ZNF160: variants seen among roughly 807,000 people sequenced by gnomAD.
The protein encoded by ZNF160 is zinc finger protein 160, also known as KRAB zinc finger protein KR18.
A neutral mutation model predicts 13.1 loss-of-function variants in ZNF160; 9 were observed. The observed-to-expected ratio is 0.69, with a 90% confidence interval of 0.41 to 1.20. The LOEUF (loss-of-function observed/expected upper bound fraction) is 1.20. ZNF160 is among the 50% of genes most tolerant of loss of function. The probability of loss-of-function intolerance (pLI) is 0.01; values close to 1 mark genes in which losing one functional copy is unlikely to be tolerated. For missense variants in ZNF160, 838 were observed against 988.0 expected, an observed-to-expected ratio of 0.85 and a Z score of 2.04; for synonymous variants, 293 against 333.2, an observed-to-expected ratio of 0.88 and a Z score of 1.31.
In ZNF160 at chr19:53,069,158, C is replaced by A; in HGVS notation, c.1376G>T (p.Gly459Val). The A allele has an allele frequency of 6.2e-7, 1 of 1,614,142 alleles. No individual in the cohort carries two copies. The highest frequency in any genetic ancestry group is 8.5e-7 in the Non-Finnish European group (1 of 1,179,998). The part of the protein sequence containing the change: ...GEKPYKCNEC[G>V]KAFSMHSNLA... ...GTTTGAATGCATACTGAAGGCTTTGCCACATTCATTACACTTGTAAGGTTT... is the reference window on the plus strand; with the variant it reads ...GTTTGAATGCATACTGAAGGCTTTGACACATTCATTACACTTGTAAGGTTT... The change falls in exon 6 of 6, where the codon GGC becomes GTC. Residue 459 changes from glycine (G) to valine (V), a missense_variant. Coordinates refer to ENST00000683776, the MANE Select transcript of ZNF160 (RefSeq NM_001322131.2). The surrounding 1 kb of genome is among the most constrained non-coding windows in gnomAD (Gnocchi z 4.4).
In ZNF160 at chr19:53,067,827, C is replaced by T. The variant is rs2145415403; in HGVS notation, c.*250G>A. The T allele has an allele frequency of 2.3e-6, 1 of 430,028 alleles. No individual in the cohort carries two copies. Among genetic ancestry groups the T allele is most frequent in the Non-Finnish European group, 4.1e-6 (1 of 245,326 alleles). The allele number at this position is 430,028 out of a possible 1,614,324, so 26.6% of individuals were successfully genotyped here. The stretch of plus-strand genomic sequence containing the variant: ...CTTACCATCGGTCACTGGGTAATGG[C>T]CTCAGGATGCATATTACATTTGTTT... On this transcript the variant is annotated 3_prime_UTR_variant, in exon 6 of 6. Coordinates refer to ENST00000683776, the MANE Select transcript of ZNF160 (RefSeq NM_001322131.2).
At chr19:53,094,608 T>TA (rs1319291885) in intron 1 of ZNF160, among the ~76,000 whole-genome samples, 4 of 152,180 alleles carry the variant, frequency 2.6e-5, no homozygotes, top group African/African-American at 9.7e-5. Context: ...GTTTTCAATG[T>TA]AAGAGTAAAA....
In ZNF160 at chr19:53,067,930, T is replaced by G. The variant is rs2084016026; in HGVS notation, c.*147A>C. The G allele has an allele frequency of 8.9e-7, 1 of 1,125,508 alleles. No individual in the cohort carries two copies. The highest frequency in any genetic ancestry group is 1.7e-5 in the South Asian group (1 of 58,660). The allele number at this position is 1,125,508 out of a possible 1,614,324, so 69.7% of individuals were successfully genotyped here. Reference sequence around the variant, plus strand: ...AGACCCTCTGCCACATATGTTTACATGATGTCTCTTGCTTATGGCCTCTCA... The same window carrying G: ...AGACCCTCTGCCACATATGTTTACAGGATGTCTCTTGCTTATGGCCTCTCA... On this transcript the variant is annotated 3_prime_UTR_variant, in exon 6 of 6. Coordinates refer to ENST00000683776, the MANE Select transcript of ZNF160 (RefSeq NM_001322131.2).
intron 3 of ZNF160, chr19:53,085,521 G>A (rs1490144957): frequency 1.3e-5 from 2 of 152,484 alleles, no homozygotes; most frequent in Non-Finnish European, 2.9e-5. Flanking sequence ...CTCATAACTG[G>A]TAAAACAAAA....
chr19:53,094,467 C>G (rs1295909787), intron 1 of ZNF160, among the ~76,000 whole-genome samples: 2 of 152,176 alleles, frequency 1.3e-5, no homozygotes, highest in Admixed American at 6.5e-5. Flanking sequence ...GATGAAACCA[C>G]TGCCCCACAG....
At chr19:53,076,395 T>C (rs1395181588) in intron 3 of ZNF160, among the ~76,000 whole-genome samples, 1 of 152,092 alleles carries the variant, frequency 6.6e-6, no homozygotes, top group African/African-American at 2.4e-5. Context: ...AATCCAGCAC[T>C]TTGAAAGGCC....
At chr19:53,080,733 A>G (rs1484995353) in intron 3 of ZNF160, among the ~76,000 whole-genome samples, 1 of 152,228 alleles carries the variant, frequency 6.6e-6, no homozygotes, top group Non-Finnish European at 1.5e-5. Context: ...TAAAATGTAT[A>G]TGAAAGCAAA....
chr19:53,069,776 C>G lies in ZNF160; in HGVS notation c.758G>C (p.Cys253Ser). 2.5e-6 allele frequency: 4 copies of G among 1,614,214 alleles called. No individual in the cohort carries two copies. Among genetic ancestry groups the G allele is most frequent in the Non-Finnish European group, 3.4e-6 (4 of 1,180,048 alleles). ...TTCATTACATTTATAAGGTTTTCCA[C>G]AACTGTTTGCTTTTCGTCTTTGTGT... ...LLTQRRKANS[C>S]GKPYKCNECG... is the part of the protein sequence containing the mutation. The change falls in exon 6 of 6, where the codon TGT (cysteine) becomes TCT (serine). Residue 253 changes from cysteine (C) to serine (S), a missense_variant. Cys to Ser is a moderately radical substitution (Grantham distance 112). This residue lies in a region of ZNF160 where 387 missense variants were observed against 402.3 expected (regional missense o/e 0.96). Transcript: ENST00000683776. This position sits in a 1 kb window ranked among gnomAD's most constrained non-coding sequence, Gnocchi z 4.4.
At chr19:53,073,551 G>C in intron 5 of ZNF160, 1 of 1,563,820 alleles carries the variant, frequency 6.4e-7, no homozygotes, top group Non-Finnish European at 8.6e-7. Flanking sequence ...AACAGGTCTA[G>C]ACGTCAGGAC....
At chr19:53,081,524 C>A (rs561556714) in intron 3 of ZNF160, among the ~76,000 whole-genome samples, 1 of 152,114 alleles carries the variant, frequency 6.6e-6, no homozygotes, top group East Asian at 1.9e-4. Context: ...GCTCAACACC[C>A]CGATCATCAG....
At chr19:53,070,414 T>C (rs541497298) in intron 5 of ZNF160, 152 bp from the exon 6 acceptor site, 32 of 904,612 alleles carry the variant, frequency 3.5e-5, no homozygotes, top group African/African-American at 3.3e-4. Flanking sequence ...GGAACAAAAA[T>C]GTTTTTTTTT....
At chr19:53,077,812 G>A (rs2084458297) in intron 3 of ZNF160, among the ~76,000 whole-genome samples, 1 of 151,704 alleles carries the variant, frequency 6.6e-6, no homozygotes, top group African/African-American at 2.4e-5. Flanking sequence ...TCCTAAAGTT[G>A]CTCAGTGTAT....
chr19:53,078,057 T>C (rs1178824649), intron 3 of ZNF160, among the ~76,000 whole-genome samples: 3 of 152,066 alleles, frequency 2.0e-5, no homozygotes, highest in Non-Finnish European at 4.4e-5. Flanking sequence ...CTGGCCAACA[T>C]GATGAAACCT....
intron 3 of ZNF160, among the ~76,000 whole-genome samples, chr19:53,077,999 T>C (rs1261819940): frequency 6.6e-6 from 1 of 152,066 alleles, no homozygotes; most frequent in Non-Finnish European, 1.5e-5. Flanking sequence ...CCCAGCACTT[T>C]GGGAGGCTAA....
intron 1 of ZNF160, among the ~76,000 whole-genome samples, chr19:53,101,592 GATAAGCTTCATCTCA>G (rs1011374918): frequency 1.3e-5 from 2 of 152,234 alleles, no homozygotes; most frequent in Admixed American, 6.5e-5. Context: ...GACTGAATTA[GATAAGCTTCATCTCA>G]ACCTTCAGCA....
chr19:53,069,965 G>A lies in ZNF160; in HGVS notation c.569C>T (p.Pro190Leu). ...CTCACCTTGAAATAGCTGCAGTTCA[G>A]GCAGATGAGAATGAAAGCTTACTCC... ...QLGVSFHSHL[P>L]ELQLFQGEGK... The change falls in exon 6 of 6, where the codon CCT (proline) becomes CTT (leucine). Residue 190 changes from proline to leucine, a missense_variant. This residue lies in a region of ZNF160 where 387 missense variants were observed against 402.3 expected (regional missense o/e 0.96). Transcript: ENST00000683776. The surrounding 1 kb of genome is among the most constrained non-coding windows in gnomAD (Gnocchi z 4.4). 6.2e-7 allele frequency: 1 copy of A among 1,614,080 alleles called. No homozygotes were observed. The highest frequency in any genetic ancestry group is 8.5e-7 in the Non-Finnish European group (1 of 1,180,022).
At chr19:53,078,938 A>C (rs2084514433) in intron 3 of ZNF160, among the ~76,000 whole-genome samples, 1 of 152,194 alleles carries the variant, frequency 6.6e-6, no homozygotes, top group African/African-American at 2.4e-5. Flanking sequence ...AAACAACAAA[A>C]AACAATTGTA....
chr19:53,082,881 G>T (rs541885830), intron 3 of ZNF160, among the ~76,000 whole-genome samples: 1 of 45,718 alleles, frequency 2.2e-5, no homozygotes, highest in Admixed American at 2.9e-4. Context: ...TGTTTTTCCT[G>T]TGCTTTTGAC....
chr19:53,102,343 T>C (rs541387763), intron 1 of ZNF160, among the ~76,000 whole-genome samples: 1 of 152,280 alleles, frequency 6.6e-6, no homozygotes, highest in South Asian at 2.1e-4. Flanking sequence ...CCCTGTGTTG[T>C]GGTGCTCCCT....
Sources: gnomAD v4.1 joint callset for allele counts (sites outside exome capture counted in the v4.1 genomes callset) on GRCh38, gnomAD v4.1.1 for gene constraint, gnomAD v4.1.1 regional missense constraint, Gnocchi (gnomAD v3.1) non-coding constraint, MANE v1.5 for transcripts, NCBI Gene and HGNC (gene_info 2026-07-23, HGNC 2026-07-21) for gene names.